TP63: variants seen among roughly 807,000 people sequenced by gnomAD.
The protein encoded by TP63 is tumor protein p63.
A neutral mutation model predicts 82.8 loss-of-function variants in TP63; 17 were observed. The ratio of observed to expected loss-of-function variants is 0.21; its 90% CI spans 0.14 to 0.31. The LOEUF is 0.31. Among genes scored for constraint, TP63 ranks in the 10% least tolerant of loss-of-function variants. The pLI is 1.00. For missense variants in TP63, 648 were observed against 895.3 expected (o/e 0.72, Z 3.52); for synonymous variants, 330 against 321.7 (o/e 1.03, Z -0.28).
the TP63 span, among the ~76,000 whole-genome samples, chr3:189,612,483 A>G: frequency 6.6e-6 from 1 of 152,218 alleles, no homozygotes; most frequent in Admixed American, 6.5e-5. Context: ...TGTAGGTTCA[A>G]TTAAACCTCC....
intron 4 of TP63, among the ~76,000 whole-genome samples, chr3:189,848,614 C>G (rs1042757865): frequency 6.6e-6 from 1 of 152,124 alleles, no homozygotes; most frequent in African/African-American, 2.4e-5. Context: ...TAGAACCAAG[C>G]CCTTGCTTTA....
At chr3:189,802,122 G>A (rs1330676266) in intron 3 of TP63, among the ~76,000 whole-genome samples, 2 of 152,182 alleles carry the variant, frequency 1.3e-5, no homozygotes, top group Non-Finnish European at 2.9e-5. Flanking sequence ...ACGAAAAAAT[G>A]ACAAGTATGT....
intron 1 of TP63, among the ~76,000 whole-genome samples, chr3:189,686,790 G>C (rs1716484067): frequency 6.7e-6 from 1 of 150,178 alleles, no homozygotes; most frequent in African/African-American, 2.5e-5. Context: ...GAGTGCAGTG[G>C]CACAATCTCA....
chr3:189,643,455 T>TTAA (rs1553803263), intron 1 of TP63, among the ~76,000 whole-genome samples: 2 of 122,974 alleles, frequency 1.6e-5, no homozygotes, highest in East Asian at 2.0e-4. Context: ...TTAAACTGAT[T>TTAA]AAAAAAAAAA....
chr3:189,891,977 A>G (rs1484420562), intron 13 of TP63, among the ~76,000 whole-genome samples: 5 of 152,112 alleles, frequency 3.3e-5, no homozygotes, highest in African/African-American at 1.2e-4. Flanking sequence ...TGACGTGTAC[A>G]TAGTGTACTG....
At chr3:189,864,091 T>A in intron 4 of TP63, 141 bp from the exon 5 acceptor site, 1 of 1,051,172 alleles carries the variant, frequency 9.5e-7, no homozygotes, top group Non-Finnish European at 1.5e-6. Flanking sequence ...TTGACATACG[T>A]CACATCTATA....
intron 3 of TP63, among the ~76,000 whole-genome samples, chr3:189,785,760 T>G (rs1724554384): frequency 6.6e-6 from 1 of 152,062 alleles, no homozygotes; most frequent in Non-Finnish European, 1.5e-5. Flanking sequence ...CTGGTCCTGT[T>G]GGCACTGGGA....
intron 13 of TP63, among the ~76,000 whole-genome samples, chr3:189,892,125 C>T (rs1244708161): frequency 6.6e-6 from 1 of 152,140 alleles, no homozygotes; most frequent in Non-Finnish European, 1.5e-5. Flanking sequence ...CAGTCACTTC[C>T]GTCCACTGAA....
intron 3 of TP63, chr3:189,789,870 T>C: frequency 6.5e-7 from 1 of 1,534,406 alleles, no homozygotes; most frequent in African/African-American, 1.4e-5. Flanking sequence ...TAGCACTCCA[T>C]TTAGAGATGC....
rs141594929 is a variant in TP63 at position 189,805,199 on chromosome 3, C to T, written c.325-3073C>T. ...GTAAATGGAATTTTCCCTTTCTTTT[C>T]CTTAATATCCATAAAATCAGTTTAC... On this transcript the variant is annotated intron_variant, in intron 3 of 13. Transcript: ENST00000264731. Among the ~76,000 whole-genome samples, 1,004 of 152,276 alleles carry T rather than the reference C, an allele frequency of 6.6e-3. 7 individuals carry two copies. The highest frequency in any genetic ancestry group is 0.023 in the African/African-American group (962 of 41,542).
chr3:189,704,879 G>A (rs535133147), intron 1 of TP63, among the ~76,000 whole-genome samples: 174 of 152,250 alleles, frequency 1.1e-3, no homozygotes, highest in African/African-American at 4.0e-3. Flanking sequence ...TCTCATCCAT[G>A]AAAATTTTCT....
chr3:189,742,651 A>G (rs1190026880), intron 3 of TP63, among the ~76,000 whole-genome samples: 1 of 152,216 alleles, frequency 6.6e-6, no homozygotes, highest in Non-Finnish European at 1.5e-5. Context: ...ATCTTATATA[A>G]TCCAAGATTC....
At position 189,774,641 on chromosome 3, in the gene TP63, C is replaced by T. The variant is rs536562671; in HGVS notation, c.325-33631C>T. On this transcript the variant is annotated intron_variant, in intron 3 of 13. Coordinates refer to ENST00000264731, the MANE Select transcript of TP63 (RefSeq NM_003722.5). ...AAACATTTCAACTCATTTGACAACC[C>T]TTACAGTTACCTGTAAATGAGATGA... Among the ~76,000 whole-genome samples the T allele has an allele frequency of 2.3e-3, 357 of 152,258 alleles. 1 individual carries two copies. The highest frequency in any genetic ancestry group is 8.2e-3 in the African/African-American group (341 of 41,552).
intron 1 of TP63, among the ~76,000 whole-genome samples, chr3:189,686,090 A>G (rs1201001193): frequency 6.6e-6 from 1 of 152,160 alleles, no homozygotes; most frequent in Non-Finnish European, 1.5e-5. Context: ...TTGTTTGATT[A>G]TGTGGCAGAA....
At chr3:189,815,791 G>A (rs1461512475) in intron 4 of TP63, among the ~76,000 whole-genome samples, 1 of 151,966 alleles carries the variant, frequency 6.6e-6, no homozygotes, top group Non-Finnish European at 1.5e-5. Flanking sequence ...TAAGAGAAAG[G>A]TTACTAGTGG....
intron 3 of TP63, among the ~76,000 whole-genome samples, chr3:189,780,142 T>A (rs1724117420): frequency 6.6e-6 from 1 of 151,280 alleles, no homozygotes; most frequent in Non-Finnish European, 1.5e-5. Context: ...TGGAGTAAAA[T>A]GGAAGTAGCA....
chr3:189,799,418 A>G (rs1404892442), intron 3 of TP63, among the ~76,000 whole-genome samples: 2 of 152,098 alleles, frequency 1.3e-5, no homozygotes, highest in Admixed American at 1.3e-4. Flanking sequence ...CATGTGCTCC[A>G]TCAGTAGGAA....
chr3:189,600,475 A>C, the TP63 span, among the ~76,000 whole-genome samples: 1 of 152,156 alleles, frequency 6.6e-6, no homozygotes, highest in African/African-American at 2.4e-5. Flanking sequence ...ACTGTTTTGT[A>C]CCTATGTAGC....
At chr3:189,608,179 G>T in the TP63 span, among the ~76,000 whole-genome samples, 2 of 152,164 alleles carry the variant, frequency 1.3e-5, no homozygotes, top group Non-Finnish European at 2.9e-5. Context: ...GTGCATGTAT[G>T]TGTTGGGGTA....
Sources: gnomAD v4.1 joint callset for allele counts (sites outside exome capture counted in the v4.1 genomes callset) on GRCh38, gnomAD v4.1.1 for gene constraint, MANE v1.5 for transcripts, NCBI Gene and HGNC (gene_info 2026-07-23, HGNC 2026-07-21) for gene names.